LRRIQ3: variants seen among roughly 807,000 people sequenced by gnomAD.
LRRIQ3 encodes the protein leucine rich repeats and IQ motif containing 3, also known as leucine-rich repeat and IQ domain-containing protein 3.
A neutral mutation model predicts 59.3 loss-of-function variants in LRRIQ3; 75 were observed. The observed-to-expected ratio is 1.26, with a 90% confidence interval of 1.05 to 1.53. LRRIQ3 has a LOEUF of 1.53. Ranked by LOEUF, LRRIQ3 falls within the 40% of genes most tolerant of loss-of-function variation. LRRIQ3 has a pLI of 0.00. For missense variants in LRRIQ3, 831 were observed against 710.0 expected, an observed-to-expected ratio of 1.17 and a Z score of -1.94; for synonymous variants, 250 against 231.3, an observed-to-expected ratio of 1.08 and a Z score of -0.73.
chr1:74,026,953 T>C lies in LRRIQ3; in HGVS notation c.1735A>G (p.Lys579Glu), dbSNP rs1653533262. The change falls in exon 8 of 8, where the codon AAA (lysine) becomes GAA (glutamate). Residue 579 changes from lysine (K) to glutamate (E), a missense_variant. Coordinates refer to ENST00000354431, the MANE Select transcript of LRRIQ3 (RefSeq NM_001105659.2). ...ACAAATTTTTCTTCACAATGTCTTT[T>C]ATATATTTCTTGAGATCTAAGAGGA... The part of the protein sequence containing the change: ...MKKVRSQEIY[K>E]RHCEEKFVMD... 1.3e-6 allele frequency: 2 copies of C among 1,563,186 alleles called. No homozygotes were observed. Among genetic ancestry groups the C allele is most frequent in the South Asian group, 1.2e-5 (1 of 86,796 alleles).
intron 4 of LRRIQ3, among the ~76,000 whole-genome samples, chr1:74,140,056 A>G (rs1393041629): frequency 6.6e-6 from 1 of 151,838 alleles, no homozygotes; most frequent in Non-Finnish European, 1.5e-5. Flanking sequence ...AAGCAAAAAT[A>G]ACACAATGTA....
intron 4 of LRRIQ3, among the ~76,000 whole-genome samples, chr1:74,141,268 A>C (rs184036594): frequency 4.8e-4 from 73 of 151,924 alleles, no homozygotes; most frequent in African/African-American, 1.7e-3. Context: ...CCAATAGTAA[A>C]TTTTAAAAAA....
At chr1:74,136,159 A>C (rs1054115448) in intron 4 of LRRIQ3, among the ~76,000 whole-genome samples, 9 of 151,988 alleles carry the variant, frequency 5.9e-5, no homozygotes, top group Non-Finnish European at 1.3e-4. Context: ...CTTAAAAGAC[A>C]CTAATTACCA....
intron 1 of LRRIQ3, among the ~76,000 whole-genome samples, chr1:74,191,587 A>G (rs1429093419): frequency 6.6e-6 from 1 of 152,140 alleles, no homozygotes; most frequent in African/African-American, 2.4e-5. Context: ...AAGCCATGCA[A>G]CATCTTCTCT....
intron 4 of LRRIQ3, among the ~76,000 whole-genome samples, chr1:74,120,124 GT>G (rs377163655): frequency 5.8e-4 from 82 of 142,530 alleles, no homozygotes; most frequent in Middle Eastern, 3.6e-3. Flanking sequence ...TTTGTATGTT[GT>G]TTTTTTTTTT....
rs138187089 is a variant in LRRIQ3, at chr1:74,131,841, A to C, written c.708-22288T>G. Among the ~76,000 whole-genome samples, 597 of 152,092 alleles carry C rather than the reference A, an allele frequency of 3.9e-3. 8 individuals are homozygous for C. The highest frequency in any genetic ancestry group is 0.013 in the African/African-American group (546 of 41,504). ...CAAGACAGGGATGCCCTCTCTCACCACTCCTATTTAACATAGTGTTGGAAG... is the reference window on the plus strand; with the variant it reads ...CAAGACAGGGATGCCCTCTCTCACCCCTCCTATTTAACATAGTGTTGGAAG... On this transcript the variant is annotated intron_variant, in intron 4 of 7. Coordinates refer to ENST00000354431, the MANE Select transcript of LRRIQ3 (RefSeq NM_001105659.2).
intron 3 of LRRIQ3, among the ~76,000 whole-genome samples, chr1:74,176,419 A>T (rs917328040): frequency 6.6e-6 from 1 of 152,012 alleles, no homozygotes; most frequent in African/African-American, 2.4e-5. Flanking sequence ...AAGTTTAATT[A>T]AGATATTTTT....
At chr1:74,173,346 A>T (rs1197964312) in intron 3 of LRRIQ3, among the ~76,000 whole-genome samples, 2 of 150,748 alleles carry the variant, frequency 1.3e-5, no homozygotes, top group African/African-American at 4.9e-5. Context: ...TTAACTGGTG[A>T]GTTTAATCCA....
chr1:74,173,726 A>C (rs1649468731), intron 3 of LRRIQ3, among the ~76,000 whole-genome samples: 2 of 152,050 alleles, frequency 1.3e-5, no homozygotes, highest in Admixed American at 1.3e-4. Context: ...TGAAACAATA[A>C]AAAATAATAA....
intron 4 of LRRIQ3, among the ~76,000 whole-genome samples, chr1:74,123,184 T>G (rs1646886575): frequency 6.6e-6 from 1 of 151,974 alleles, no homozygotes; most frequent in Non-Finnish European, 1.5e-5. Context: ...ACATAGGAGG[T>G]GTATATAGTT....
At chr1:74,130,600 T>C (rs1646999858) in intron 4 of LRRIQ3, among the ~76,000 whole-genome samples, 1 of 152,150 alleles carries the variant, frequency 6.6e-6, no homozygotes, top group Admixed American at 6.6e-5. Flanking sequence ...TTGGTTCTTA[T>C]AAATGTGATT....
Position 74,109,522 on chromosome 1 carries a change from CCTG to C in LRRIQ3, c.736_738del (p.Gln246del). 6.4e-7 allele frequency: 1 copy of C among 1,563,888 alleles called. No homozygotes were observed. The highest frequency in any genetic ancestry group is 8.6e-7 in the Non-Finnish European group (1 of 1,161,408). ...GCTTCATATCCTCTAATAATTTTTT[CCTG>C]CTGTTTTTTTTTGTGGAAAAACACA... On this transcript the variant is annotated inframe_deletion, in exon 5 of 8. Transcript: ENST00000354431.
chr1:74,053,994 G>A (rs1250882242), intron 6 of LRRIQ3, among the ~76,000 whole-genome samples: 2 of 152,058 alleles, frequency 1.3e-5, no homozygotes, highest in Non-Finnish European at 2.9e-5. Context: ...GTAAAATCCA[G>A]CTGTCATGTT....
chr1:74,134,455 A>G (rs1442935802), intron 4 of LRRIQ3, among the ~76,000 whole-genome samples: 1 of 152,030 alleles, frequency 6.6e-6, no homozygotes, highest in Non-Finnish European at 1.5e-5. Context: ...CACAGGAAGA[A>G]AACATGAGTA....
At chr1:74,126,516 C>G (rs978124866) in intron 4 of LRRIQ3, among the ~76,000 whole-genome samples, 6 of 151,642 alleles carry the variant, frequency 4.0e-5, no homozygotes, top group Admixed American at 4.0e-4. Context: ...TAGTAGTGCT[C>G]TCACTGTATT....
intron 4 of LRRIQ3, among the ~76,000 whole-genome samples, chr1:74,148,016 G>A (rs775770100): frequency 3.3e-5 from 5 of 151,786 alleles, no homozygotes; most frequent in Non-Finnish European, 7.4e-5. Flanking sequence ...ATATCTCATT[G>A]AGTTCCTTTA....
At chr1:74,109,912 G>A (rs548679714) in intron 4 of LRRIQ3, among the ~76,000 whole-genome samples, 33 of 151,566 alleles carry the variant, frequency 2.2e-4, no homozygotes, top group African/African-American at 8.0e-4. Context: ...TAGTGAAGAA[G>A]GAACTTTTTA....
chr1:74,148,760 A>G (rs913365277), intron 4 of LRRIQ3, among the ~76,000 whole-genome samples: 7 of 152,226 alleles, frequency 4.6e-5, no homozygotes, highest in African/African-American at 1.7e-4. Flanking sequence ...TTTGTCCTGC[A>G]ACATAACATG....
At chr1:74,087,818 G>A (rs1356008124) in intron 5 of LRRIQ3, among the ~76,000 whole-genome samples, 3 of 152,062 alleles carry the variant, frequency 2.0e-5, no homozygotes, top group Non-Finnish European at 4.4e-5. Flanking sequence ...AAGTCATCAG[G>A]CTGGGGGCCG....
Sources: gnomAD v4.1 joint callset for allele counts (sites outside exome capture counted in the v4.1 genomes callset) on GRCh38, gnomAD v4.1.1 for gene constraint, MANE v1.5 for transcripts, NCBI Gene and HGNC (gene_info 2026-07-23, HGNC 2026-07-21) for gene names.